GPC5: variants seen among roughly 807,000 people sequenced by gnomAD.
GPC5 encodes the protein glypican 5, also known as glypican-5.
GPC5 carries 47 observed loss-of-function variants against 53.9 expected under a neutral mutation model. The observed-to-expected ratio is 0.87, with a 90% CI of 0.69 to 1.11. The LOEUF (loss-of-function observed/expected upper bound fraction) is 1.11, where lower values mean the gene tolerates loss of function less well. GPC5 is among the 50% of genes most tolerant of loss of function. GPC5 has a pLI of 0.00. For synonymous variants in GPC5, 286 were observed against 263.3 expected (o/e 1.09, Z -0.84); for missense variants, 748 against 713.1 (o/e 1.05, Z -0.56).
In GPC5 at chr13:92,095,994, G is replaced by A. The variant is rs140098618; in HGVS notation, c.1402-48836G>A. Among the ~76,000 whole-genome samples the A allele has an allele frequency of 9.7e-4, 148 of 152,302 alleles. 1 individual carries two copies. Among genetic ancestry groups the A allele is most frequent in the African/African-American group, 3.4e-3 (142 of 41,572 alleles). On this transcript the variant is annotated intron_variant, in intron 6 of 7. Coordinates refer to ENST00000377067, the MANE Select transcript of GPC5 (RefSeq NM_004466.6). ...TAAAGTGACTTTCCCAAGGTCATGA[G>A]GCATGTAGGTGGCACATGTTGGGAC... is the stretch of plus-strand genomic sequence containing the variant.
chr13:92,385,339 T>C (rs868316032), intron 7 of GPC5, among the ~76,000 whole-genome samples: 22 of 115,156 alleles, frequency 1.9e-4, no homozygotes, highest in South Asian at 5.0e-4. Context: ...CATATATACA[T>C]ATATATACAT....
chr13:91,404,933 A>G (rs952902440), intron 1 of GPC5, among the ~76,000 whole-genome samples: 1 of 152,202 alleles, frequency 6.6e-6, no homozygotes, highest in African/African-American at 2.4e-5. Flanking sequence ...TTTGAAAAAC[A>G]TGGCTTTTCC....
intron 7 of GPC5, among the ~76,000 whole-genome samples, chr13:92,803,168 T>A (rs887214631): frequency 2.4e-4 from 37 of 151,946 alleles, no homozygotes; most frequent in African/African-American, 8.5e-4. Context: ...TTTAAGCAAA[T>A]ACAAATGATA....
At chr13:91,464,125 A>AAAAG (rs1882096292) in intron 2 of GPC5, among the ~76,000 whole-genome samples, 1 of 152,154 alleles carries the variant, frequency 6.6e-6, no homozygotes, top group Non-Finnish European at 1.5e-5. Context: ...TAAGTACATG[A>AAAAG]AAAGATATGC....
chr13:92,356,894 T>C (rs1366178589), intron 7 of GPC5, among the ~76,000 whole-genome samples: 1 of 152,174 alleles, frequency 6.6e-6, no homozygotes. Flanking sequence ...CACAGTGTCT[T>C]TTGTTCCCCA....
intron 7 of GPC5, among the ~76,000 whole-genome samples, chr13:92,472,827 T>C (rs1467558158): frequency 2.6e-5 from 4 of 152,076 alleles, no homozygotes; most frequent in African/African-American, 9.7e-5. Flanking sequence ...CACACTTAAT[T>C]GACAATATAA....
intron 1 of GPC5, among the ~76,000 whole-genome samples, chr13:91,408,108 T>A (rs1447147102): frequency 2.0e-5 from 3 of 151,924 alleles, no homozygotes; most frequent in Admixed American, 2.0e-4. Context: ...ATACAATATA[T>A]CATATTAACT....
chr13:92,725,381 T>C (rs1888614243), intron 7 of GPC5, among the ~76,000 whole-genome samples: 1 of 151,500 alleles, frequency 6.6e-6, no homozygotes. Context: ...AAACACACAA[T>C]TCACTTTCAG....
At chr13:91,662,477 T>A (rs960417632) in intron 2 of GPC5, among the ~76,000 whole-genome samples, 1 of 152,186 alleles carries the variant, frequency 6.6e-6, no homozygotes, top group Non-Finnish European at 1.5e-5. Context: ...TGATAATGTA[T>A]AAATCTTGAG....
chr13:91,693,297 A>G lies in GPC5; in HGVS notation c.436A>G (p.Thr146Ala). The change falls in exon 3 of 8, where the codon ACT becomes GCT. Residue 146 changes from threonine (T) to alanine (A), a missense_variant. Physicochemically the swap from Thr to Ala is moderately conservative, Grantham distance 58. Transcript: ENST00000377067. ...EAAASVQEFF[T>A]DVGLYLFGAD... ...TGCTGCTTCGGTTCAGGAGTTCTTC[A>G]CTGATGTGGGGCTGTATTTATTTGG... 6.2e-7 allele frequency: 1 copy of G among 1,614,060 alleles called. No individual in the cohort carries two copies. The highest frequency in any genetic ancestry group is 8.5e-7 in the Non-Finnish European group (1 of 1,179,996).
At chr13:92,639,680 T>A (rs1234085971) in intron 7 of GPC5, among the ~76,000 whole-genome samples, 1 of 152,220 alleles carries the variant, frequency 6.6e-6, no homozygotes, top group East Asian at 1.9e-4. Context: ...TTCTACCTTA[T>A]AATTTTTATT....
chr13:92,317,436 T>C (rs942988639), intron 7 of GPC5, among the ~76,000 whole-genome samples: 1 of 152,158 alleles, frequency 6.6e-6, no homozygotes, highest in Non-Finnish European at 1.5e-5. Context: ...TTATGTGATT[T>C]ACCCTTCATG....
At chr13:91,481,038 G>A (rs1275273327) in intron 2 of GPC5, among the ~76,000 whole-genome samples, 1 of 151,912 alleles carries the variant, frequency 6.6e-6, no homozygotes, top group Non-Finnish European at 1.5e-5. Context: ...GGGCCGTGGT[G>A]CATGATGGTC....
At chr13:92,623,130 C>A (rs1314298555) in intron 7 of GPC5, among the ~76,000 whole-genome samples, 3 of 150,822 alleles carry the variant, frequency 2.0e-5, no homozygotes, top group Non-Finnish European at 4.4e-5. Context: ...TGCACCAATG[C>A]ACTCCAGCCT....
At chr13:92,369,229 G>A (rs1164836880) in intron 7 of GPC5, among the ~76,000 whole-genome samples, 1 of 152,194 alleles carries the variant, frequency 6.6e-6, no homozygotes, top group African/African-American at 2.4e-5. Context: ...TTTCACCCAG[G>A]CTGGAGTGCA....
At chr13:92,207,309 A>G (rs2042344646) in intron 7 of GPC5, among the ~76,000 whole-genome samples, 1 of 152,222 alleles carries the variant, frequency 6.6e-6, no homozygotes, top group African/African-American at 2.4e-5. Flanking sequence ...GCACAAGCCA[A>G]GCCCACTAAC....
chr13:91,585,189 C>T (rs1031730612), intron 2 of GPC5, among the ~76,000 whole-genome samples: 11 of 152,124 alleles, frequency 7.2e-5, no homozygotes, highest in African/African-American at 2.7e-4. Flanking sequence ...GATGAATTCT[C>T]ATATACTACT....
chr13:92,285,556 G>T (rs192017106), intron 7 of GPC5, among the ~76,000 whole-genome samples: 238 of 152,194 alleles, frequency 1.6e-3, no homozygotes, highest in Non-Finnish European at 1.9e-3. Flanking sequence ...TAGACCAATG[G>T]AACAGAACAG....
chr13:92,102,473 T>C (rs2041474974), intron 6 of GPC5, among the ~76,000 whole-genome samples: 1 of 152,120 alleles, frequency 6.6e-6, no homozygotes, highest in African/African-American at 2.4e-5. Flanking sequence ...CCTATGATTG[T>C]AGTTGAGGAA....
Sources: allele counts gnomAD v4.1 joint callset (sites outside exome capture counted in the v4.1 genomes callset), GRCh38; gene constraint gnomAD v4.1.1; transcripts MANE v1.5; gene names NCBI Gene and HGNC (gene_info 2026-07-23, HGNC 2026-07-21).